The following PCDHA4 variants were observed in gnomAD, a reference collection of about 807,000 sequenced individuals.
PCDHA4 encodes the protein protocadherin alpha-4.
Under a neutral mutation model 61.4 loss-of-function variants are expected in PCDHA4, and 49 were observed. The ratio of observed to expected loss-of-function variants is 0.80; its 90% CI spans 0.63 to 1.01. The LOEUF (loss-of-function observed/expected upper bound fraction) is 1.01. Among genes scored for constraint, PCDHA4 ranks in the 50% least tolerant of loss-of-function variants. The probability of loss-of-function intolerance (pLI) is 0.00; values close to 1 mark genes in which losing one functional copy is unlikely to be tolerated. For missense variants in PCDHA4, 1,254 were observed against 1,235.8 expected, an observed-to-expected ratio of 1.01 and a Z score of -0.22; for synonymous variants, 590 against 550.3, an observed-to-expected ratio of 1.07 and a Z score of -1.01.
intron 1 of PCDHA4, among the ~76,000 whole-genome samples, chr5:140,905,958 G>C (rs1554192269): frequency 6.6e-6 from 1 of 152,184 alleles, no homozygotes; most frequent in African/African-American, 2.4e-5. Context: ...GATGTTCAAG[G>C]GGAGGAAGAT....
chr5:140,946,916 T>C (rs1554217963), intron 1 of PCDHA4, among the ~76,000 whole-genome samples: 4 of 151,468 alleles, frequency 2.6e-5, no homozygotes, highest in Non-Finnish European at 5.9e-5. Context: ...GTTCTGGTGT[T>C]TTATTGAACA....
rs1562215791 is a variant in PCDHA4 at position 140,808,363 on chromosome 5, C to A, written c.1176C>A (p.His392Gln). The A allele has an allele frequency of 6.2e-7, 1 of 1,614,218 alleles. No individual in the cohort carries two copies. The highest frequency in any genetic ancestry group is 8.5e-7 in the Non-Finnish European group (1 of 1,180,056). ...TGGTCACCTGCTCCTTGACGTCCCA[C>A]GTCCCCTTCAAGCTGGTGTCCACCT... ...NGLVTCSLTS[H>Q]VPFKLVSTFK... Residue 392 changes from histidine (H) to glutamine (Q), a missense_variant, in exon 1 of 4, where the codon CAC becomes CAA. Physicochemically the swap from His to Gln is conservative, Grantham distance 24. Coordinates refer to ENST00000530339, the MANE Select transcript of PCDHA4 (RefSeq NM_018907.4).
chr5:140,930,084 A>T (rs1350674790), intron 1 of PCDHA4: 2 of 152,142 alleles, frequency 1.3e-5, no homozygotes, highest in Non-Finnish European at 2.9e-5. Flanking sequence ...CTCTCATAAC[A>T]TCTATTTATA....
intron 1 of PCDHA4, among the ~76,000 whole-genome samples, chr5:140,972,279 A>G (rs568636203): frequency 3.3e-5 from 5 of 150,992 alleles, no homozygotes; most frequent in South Asian, 4.2e-4. Context: ...AGCTTGGACC[A>G]TAGATGTGCG....
chr5:140,876,154 A>G, intron 1 of PCDHA4: 1 of 1,613,972 alleles, frequency 6.2e-7, no homozygotes, highest in Non-Finnish European at 8.5e-7. Context: ...GTCTGTCCAG[A>G]TTCAAATAAC....
chr5:140,987,481 G>T (rs1244029095), intron 3 of PCDHA4, among the ~76,000 whole-genome samples: 1 of 152,170 alleles, frequency 6.6e-6, no homozygotes, highest in Non-Finnish European at 1.5e-5. Flanking sequence ...TTGGGAGTCA[G>T]TGACCCTTTC....
chr5:140,921,203 G>A (rs782776779), intron 1 of PCDHA4, among the ~76,000 whole-genome samples: 22 of 151,476 alleles, frequency 1.5e-4, no homozygotes, highest in Non-Finnish European at 2.7e-4. Context: ...GATTGACAAC[G>A]ATAATTCACG....
chr5:140,829,666 C>G, intron 1 of PCDHA4: 1 of 1,612,840 alleles, frequency 6.2e-7, no homozygotes, highest in Non-Finnish European at 8.5e-7. Context: ...CGCTGGACCA[C>G]GAGGAGCTAG....
At chr5:140,990,670 A>T (rs1172208113) in intron 3 of PCDHA4, among the ~76,000 whole-genome samples, 1 of 152,192 alleles carries the variant, frequency 6.6e-6, no homozygotes, top group Non-Finnish European at 1.5e-5. Flanking sequence ...CATTAGATGC[A>T]CACCAAGCTG....
intron 1 of PCDHA4, chr5:140,928,544 A>G (rs1554205985): frequency 3.1e-6 from 5 of 1,614,062 alleles, no homozygotes; most frequent in Middle Eastern, 1.6e-4. Flanking sequence ...AGGAATGACA[A>G]TTATCCGGTT....
At chr5:140,966,971 C>G (rs375161984) in intron 1 of PCDHA4, 1 of 1,602,808 alleles carries the variant, frequency 6.2e-7, no homozygotes, top group Non-Finnish European at 8.5e-7. Flanking sequence ...GGGGCTTGAG[C>G]TGCGGCGCTT....
chr5:140,850,443 C>G, intron 1 of PCDHA4: 1 of 1,597,988 alleles, frequency 6.3e-7, no homozygotes, highest in East Asian at 2.2e-5. Flanking sequence ...CCTACTGGTG[C>G]TGGTGAAAGA....
intron 1 of PCDHA4, among the ~76,000 whole-genome samples, chr5:140,941,445 A>C (rs1472770794): frequency 8.0e-5 from 12 of 149,892 alleles, no homozygotes; most frequent in Middle Eastern, 6.8e-3. Context: ...CCTCGGGAGT[A>C]GCTGGGATTA....
At chr5:140,876,033 T>A in intron 1 of PCDHA4, 1 of 1,613,668 alleles carries the variant, frequency 6.2e-7, no homozygotes, top group South Asian at 1.1e-5. Context: ...CAAAAAAAGA[T>A]AAAAGTATAT....
intron 1 of PCDHA4, among the ~76,000 whole-genome samples, chr5:140,826,508 T>C (rs150327644): frequency 1.1e-4 from 17 of 152,306 alleles, no homozygotes; most frequent in African/African-American, 4.1e-4. Context: ...AAGGTGAAGA[T>C]GATCATGTCA....
intron 1 of PCDHA4, chr5:140,882,108 A>G: frequency 7.3e-7 from 1 of 1,370,912 alleles, no homozygotes; most frequent in Non-Finnish European, 9.8e-7. Flanking sequence ...TCCGCGAAGA[A>G]AGCCGCCGTT....
At chr5:140,882,385 A>G in intron 1 of PCDHA4, 1 of 1,614,234 alleles carries the variant, frequency 6.2e-7, no homozygotes, top group Non-Finnish European at 8.5e-7. Flanking sequence ...CCGAGGAAGC[A>G]AAACACGGCA....
At chr5:140,963,685 C>T (rs1272143166) in intron 1 of PCDHA4, among the ~76,000 whole-genome samples, 19 of 152,220 alleles carry the variant, frequency 1.2e-4, no homozygotes, top group Middle Eastern at 3.4e-3. Flanking sequence ...TGTGTTTATC[C>T]GTGTTTGATA....
chr5:140,894,354 TTTC>T (rs1477056787), intron 1 of PCDHA4, among the ~76,000 whole-genome samples: 2 of 152,070 alleles, frequency 1.3e-5, no homozygotes, highest in Admixed American at 1.3e-4. Context: ...TTACTTCAGA[TTTC>T]TTCTTCAATG....
Sources: gnomAD v4.1 joint callset for allele counts (sites outside exome capture counted in the v4.1 genomes callset) on GRCh38, gnomAD v4.1.1 for gene constraint, MANE v1.5 for transcripts, NCBI Gene and HGNC (gene_info 2026-07-23, HGNC 2026-07-21) for gene names.